CRIM1: variants seen among roughly 807,000 people sequenced by gnomAD.
The protein encoded by CRIM1 is cysteine-rich motor neuron 1 protein.
Under a neutral mutation model 116.4 loss-of-function variants are expected in CRIM1, and 32 were observed. That is an observed-to-expected ratio of 0.27 (90% confidence interval 0.21 to 0.37). The LOEUF (loss-of-function observed/expected upper bound fraction) is 0.37, where lower values mean the gene tolerates loss of function less well. Ranked by LOEUF, CRIM1 falls within the 10% of genes least tolerant of loss-of-function variation. The pLI, the probability that CRIM1 is intolerant of heterozygous loss-of-function variation, is 1.00. For missense variants in CRIM1, 1,331 were observed against 1,354.8 expected (o/e 0.98, Z 0.28); for synonymous variants, 590 against 509.2 (o/e 1.16, Z -2.13).
chr2:36,540,057 A>G (rs769417690), intron 14 of CRIM1, among the ~76,000 whole-genome samples: 2 of 152,084 alleles, frequency 1.3e-5, no homozygotes, highest in Non-Finnish European at 2.9e-5. Flanking sequence ...TAGCAAAAGA[A>G]ATAGAGAAGG....
chr2:36,376,709 T>C (rs1242627325), intron 1 of CRIM1, among the ~76,000 whole-genome samples: 3 of 152,244 alleles, frequency 2.0e-5, no homozygotes, highest in Non-Finnish European at 2.9e-5. Flanking sequence ...GGATCTCCTT[T>C]AGTGGGCATC....
chr2:36,391,251 C>T (rs1458866612), intron 1 of CRIM1, among the ~76,000 whole-genome samples: 2 of 150,030 alleles, frequency 1.3e-5, no homozygotes, highest in African/African-American at 2.5e-5. Flanking sequence ...GCCTCAGCCT[C>T]CCGAGAAGCT....
At chr2:36,494,877 T>G (rs1047061224) in intron 7 of CRIM1, among the ~76,000 whole-genome samples, 1 of 152,172 alleles carries the variant, frequency 6.6e-6, no homozygotes, top group Non-Finnish European at 1.5e-5. Flanking sequence ...CTCAGCTGAT[T>G]CAATACAAGA....
intron 4 of CRIM1, among the ~76,000 whole-genome samples, chr2:36,455,146 G>T (rs774620879): frequency 6.6e-6 from 1 of 152,174 alleles, no homozygotes; most frequent in African/African-American, 2.4e-5. Context: ...CAGATAGGAT[G>T]TGTGACTTCA....
chr2:36,529,131 C>T (rs767409141), intron 13 of CRIM1: 1 of 471,314 alleles, frequency 2.1e-6, no homozygotes, highest in South Asian at 1.5e-5. Context: ...ACAGTATCTG[C>T]CTTTCTCTTA....
chr2:36,422,154 T>G lies in CRIM1; in HGVS notation c.506-19104T>G, dbSNP rs116741603. On this transcript the variant is annotated intron_variant, in intron 2 of 16. Coordinates refer to ENST00000280527, the MANE Select transcript of CRIM1 (RefSeq NM_016441.3). ...TTCCTTAGGTGACTTTGAAGAACAA[T>G]TTTATTGATGTGAATTTATAAGTCC... 8.2e-4 allele frequency among the ~76,000 whole-genome samples: 124 copies of G among 151,592 alleles called. 1 individual carries two copies. Among genetic ancestry groups the G allele is most frequent in the Middle Eastern group, 6.8e-3 (2 of 294 alleles).
At chr2:36,416,551 T>A (rs1673638078) in intron 2 of CRIM1, among the ~76,000 whole-genome samples, 1 of 152,224 alleles carries the variant, frequency 6.6e-6, no homozygotes, top group African/African-American at 2.4e-5. Context: ...GCGTTTGTCT[T>A]CTGAAAGGAA....
chr2:36,371,184 A>G (rs984049789), intron 1 of CRIM1, among the ~76,000 whole-genome samples: 1 of 152,138 alleles, frequency 6.6e-6, no homozygotes, highest in Non-Finnish European at 1.5e-5. Flanking sequence ...GCATCCCTCA[A>G]GCCCTGCCAG....
chr2:36,437,171 C>T (rs531090182), intron 2 of CRIM1, among the ~76,000 whole-genome samples: 20 of 152,232 alleles, frequency 1.3e-4, no homozygotes, highest in Non-Finnish European at 2.5e-4. Flanking sequence ...GTCAGGAGAT[C>T]GAGACCATCC....
At chr2:36,515,272 C>G (rs945852345) in intron 11 of CRIM1, among the ~76,000 whole-genome samples, 7 of 152,314 alleles carry the variant, frequency 4.6e-5, no homozygotes, top group Admixed American at 2.0e-4. Context: ...GACCTGAGAA[C>G]TGAAAATCAG....
At chr2:36,473,527 C>G (rs960887334) in intron 5 of CRIM1, among the ~76,000 whole-genome samples, 1 of 152,156 alleles carries the variant, frequency 6.6e-6, no homozygotes, top group Non-Finnish European at 1.5e-5. Context: ...CATTTTCCCC[C>G]TAAGCTCTCA....
chr2:36,401,420 A>C (rs1170649432), intron 2 of CRIM1, among the ~76,000 whole-genome samples: 1 of 152,226 alleles, frequency 6.6e-6, no homozygotes, highest in African/African-American at 2.4e-5. Flanking sequence ...CCTTGATCTT[A>C]ACAAAGTTTA....
Position 36,537,399 on chromosome 2 carries a change from T to C in CRIM1, c.2476T>C (p.Tyr826His), listed in dbSNP as rs757845627. The change falls in exon 14 of 17, where the codon TAT becomes CAT. Residue 826 changes from tyrosine to histidine, a missense_variant. Physicochemically the swap from Tyr to His is moderately conservative, Grantham distance 83 (BLOSUM62 2). Transcript: ENST00000280527. ...KVVCHFSGKA[Y>H]ADEERWDLDS... ...GGTGTGCCACTTCAGTGGGAAGGCC[T>C]ATGCCGACGAGGAGCGGTGGGACCT... 6.2e-7 allele frequency: 1 copy of C among 1,614,126 alleles called. No homozygotes were observed. Among genetic ancestry groups the C allele is most frequent in the African/African-American group, 1.3e-5 (1 of 74,952 alleles).
At chr2:36,396,914 A>C (rs1422068855) in intron 2 of CRIM1, 127 bp downstream of exon 2, 1 of 759,464 alleles carries the variant, frequency 1.3e-6, no homozygotes, top group African/African-American at 1.7e-5. Context: ...GTATAATCCC[A>C]ACTAAGATGC....
intron 1 of CRIM1, among the ~76,000 whole-genome samples, chr2:36,380,887 AT>A (rs1271181083): frequency 6.6e-6 from 1 of 152,180 alleles, no homozygotes; most frequent in Non-Finnish European, 1.5e-5. Flanking sequence ...ATGTTCTCTT[AT>A]TTTAAAAGAT....
At chr2:36,418,640 A>T (rs1269838395) in intron 2 of CRIM1, among the ~76,000 whole-genome samples, 1 of 152,156 alleles carries the variant, frequency 6.6e-6, no homozygotes, top group Non-Finnish European at 1.5e-5. Flanking sequence ...TGCAATGCAG[A>T]GGTGGTATAA....
In CRIM1 at chr2:36,534,749, GAAAAA is replaced by G. The variant is rs143799818; in HGVS notation, c.2429-2597_2429-2593del. Among the ~76,000 whole-genome samples, 392 of 144,820 alleles carry G rather than the reference GAAAAA, an allele frequency of 2.7e-3. 7 individuals are homozygous for G. The highest frequency in any genetic ancestry group is 9.7e-3 in the African/African-American group (383 of 39,658). ...AGGAAGATGGAAGGAAGGAAGGAAAGAAAAAAAAAAGAATATAGACAGTATAGACC... is the reference window on the plus strand; with the variant it reads ...AGGAAGATGGAAGGAAGGAAGGAAAGAAAAAGAATATAGACAGTATAGACC... On this transcript the variant is annotated intron_variant, in intron 13 of 16. Transcript: ENST00000280527.
chr2:36,484,728 C>G (rs1377818589), intron 7 of CRIM1, among the ~76,000 whole-genome samples: 2 of 152,140 alleles, frequency 1.3e-5, no homozygotes, highest in Admixed American at 1.3e-4. Context: ...CACGGAGGAG[C>G]TGATGATTTT....
intron 14 of CRIM1, among the ~76,000 whole-genome samples, chr2:36,541,247 C>G (rs1043624028): frequency 6.6e-6 from 1 of 152,158 alleles, no homozygotes; most frequent in African/African-American, 2.4e-5. Flanking sequence ...TATACCATCT[C>G]AGAAATGATG....
Sources: gnomAD v4.1 joint callset for allele counts (sites outside exome capture counted in the v4.1 genomes callset) on GRCh38, gnomAD v4.1.1 for gene constraint, MANE v1.5 for transcripts, NCBI Gene and HGNC (gene_info 2026-07-23, HGNC 2026-07-21) for gene names.